Variants in SYT7 observed in about 807,000 individuals in gnomAD.
The protein encoded by SYT7 is synaptotagmin-7.
A neutral mutation model predicts 75.1 loss-of-function variants in SYT7; 29 were observed. The ratio of observed to expected loss-of-function variants is 0.39; its 90% CI spans 0.29 to 0.53. The LOEUF is 0.53. Among genes scored for constraint, SYT7 ranks in the 20% least tolerant of loss-of-function variants. The pLI is 0.77. For missense variants in SYT7, 693 were observed against 953.2 expected (o/e 0.73, Z 3.59); for synonymous variants, 376 against 401.7 (o/e 0.94, Z 0.76).
intron 1 of SYT7, among the ~76,000 whole-genome samples, chr11:61,561,431 G>C (rs1204401612): frequency 6.6e-6 from 1 of 152,202 alleles, no homozygotes; most frequent in East Asian, 1.9e-4. Context: ...TCAGGATGAA[G>C]GGTCTAACTG....
intron 6 of SYT7, chr11:61,540,587 G>A: frequency 1.0e-6 from 1 of 985,542 alleles, no homozygotes; most frequent in Non-Finnish European, 1.2e-6. Context: ...AGGGACAGAG[G>A]ATGCTGTTGC....
At chr11:61,578,299 T>C (rs1288243718) in intron 1 of SYT7, among the ~76,000 whole-genome samples, 1 of 151,534 alleles carries the variant, frequency 6.6e-6, no homozygotes, top group African/African-American at 2.4e-5. Context: ...GTAAGTGGGA[T>C]GAGGGAGGGA....
rs932514112 is a variant in SYT7, at chr11:61,540,411, T to C, written c.941+1800A>G. ...GAGCTAAGAGTGGTTTTTACATTTT[T>C]AGAGGGTTGTTTTAAAGAAAAAAAG... On this transcript the variant is annotated intron_variant, in intron 6 of 12. Coordinates refer to ENST00000539008, the MANE Select transcript of SYT7 (RefSeq NM_001365809.2). The C allele has an allele frequency of 5.4e-6, 4 of 736,884 alleles. No individual in the cohort carries two copies. In the African/African-American group the frequency reaches 7.6e-5, roughly 14 times the overall value. 45.6% of individuals were successfully genotyped at this position (736,884 alleles called of 1,614,324 possible).
chr11:61,524,714 G>A lies in SYT7; in HGVS notation c.1472-182C>T, dbSNP rs375254838. The A allele has an allele frequency of 8.1e-5, 45 of 555,676 alleles. No individual in the cohort carries two copies. In the East Asian group the frequency reaches 9.5e-4, roughly 12 times the overall value. The allele number at this position is 555,676 out of a possible 1,614,324, so 34.4% of individuals were successfully genotyped here. On this transcript the variant is annotated intron_variant, in intron 9 of 12. Transcript: ENST00000539008. This position sits in a 1 kb window ranked among gnomAD's most constrained non-coding sequence, Gnocchi z 4.1. ...TGAAGTGCTAGCAAGAACTGTCACC[G>A]TCTCATGGGATTCCCTCAACAATTC...
intron 6 of SYT7, 24 bp from the exon 7 acceptor site, chr11:61,538,290 G>C: frequency 6.7e-7 from 1 of 1,500,526 alleles, no homozygotes; most frequent in Non-Finnish European, 8.9e-7. Context: ...GCAGCCCACA[G>C]GCCAGGGTGA....
chr11:61,545,197 C>T (rs1470433810), intron 5 of SYT7, among the ~76,000 whole-genome samples: 1 of 152,182 alleles, frequency 6.6e-6, no homozygotes, highest in African/African-American at 2.4e-5. Context: ...CTGTGGAAAA[C>T]AGGGGCCAAT....
rs143054149 is a variant in SYT7 at position 61,560,545 on chromosome 11, G to A, written c.32-4338C>T. 2.1e-3 allele frequency among the ~76,000 whole-genome samples: 322 copies of A among 152,240 alleles called. 3 individuals carry two copies. Among genetic ancestry groups the A allele is most frequent in the South Asian group, 9.1e-3 (44 of 4,818 alleles). ...TTTCCCAGACCCTTCAGCCTCCCTC[G>A]GACAGCCCTCAAAGGCAGGGTGAAA... On this transcript the variant is annotated intron_variant, in intron 1 of 12. Coordinates refer to ENST00000539008, the MANE Select transcript of SYT7 (RefSeq NM_001365809.2).
intron 1 of SYT7, among the ~76,000 whole-genome samples, chr11:61,556,509 C>T (rs2063505435): frequency 6.6e-6 from 1 of 152,224 alleles, no homozygotes; most frequent in Admixed American, 6.5e-5. Flanking sequence ...ACTTGAGACC[C>T]TCAAAGGGAG....
chr11:61,537,717 G>A (rs1239085959), intron 7 of SYT7, among the ~76,000 whole-genome samples: 1 of 152,242 alleles, frequency 6.6e-6, no homozygotes, highest in African/African-American at 2.4e-5. Flanking sequence ...GGTTGAGGGG[G>A]TGGGGATGAG....
chr11:61,561,934 AGAGATGGGAGAGGCTGCAGTGAT>A (rs1176883741), intron 1 of SYT7, among the ~76,000 whole-genome samples: 2 of 152,008 alleles, frequency 1.3e-5, no homozygotes, highest in South Asian at 2.1e-4. Context: ...ATGGAAGAGA[AGAGATGGGAGAGGCTGCAGTGAT>A]GAGATGGGAG....
chr11:61,578,150 G>A (rs773561248), intron 1 of SYT7, among the ~76,000 whole-genome samples: 1 of 152,206 alleles, frequency 6.6e-6, no homozygotes, highest in Non-Finnish European at 1.5e-5. Context: ...ACTGGACTCC[G>A]ATTATTTCCC....
At chr11:61,567,163 G>A (rs147361420) in intron 1 of SYT7, among the ~76,000 whole-genome samples, 1 of 152,302 alleles carries the variant, frequency 6.6e-6, no homozygotes, top group East Asian at 1.9e-4. Flanking sequence ...GACCACTGCG[G>A]ATCTGAATCC....
At chr11:61,565,931 C>A (rs2063755121) in intron 1 of SYT7, among the ~76,000 whole-genome samples, 1 of 152,274 alleles carries the variant, frequency 6.6e-6, no homozygotes, top group South Asian at 2.1e-4. Flanking sequence ...CGGCTAGATG[C>A]AGACGGTTTA....
At chr11:61,519,171 G>A (rs1376456222) in intron 12 of SYT7, among the ~76,000 whole-genome samples, 2 of 152,240 alleles carry the variant, frequency 1.3e-5, no homozygotes, top group Non-Finnish European at 2.9e-5. Context: ...CAACTGTGAG[G>A]TAGGATTATA....
chr11:61,536,618 C>CA (rs1348557420), intron 7 of SYT7, among the ~76,000 whole-genome samples: 4 of 152,204 alleles, frequency 2.6e-5, no homozygotes, highest in East Asian at 3.9e-4. Context: ...CACATGGGCT[C>CA]AGCGCCTGAC....
intron 1 of SYT7, among the ~76,000 whole-genome samples, chr11:61,569,052 G>C (rs1268607322): frequency 6.6e-6 from 1 of 152,118 alleles, no homozygotes; most frequent in Non-Finnish European, 1.5e-5. Flanking sequence ...GAGTCCTAGG[G>C]GCTTTCATCT....
At chr11:61,554,083 G>C (rs924296189) in intron 2 of SYT7, among the ~76,000 whole-genome samples, 4 of 152,126 alleles carry the variant, frequency 2.6e-5, no homozygotes, top group African/African-American at 4.8e-5. Context: ...GCTGGGGATT[G>C]TGGGGAGGGG....
Position 61,542,555 on chromosome 11 carries a change from C to T in SYT7, c.597G>A (p.Thr199=), listed in dbSNP as rs1590879877. ...LSNFEDSTLS[T]ATTLESIPSS... Reference sequence around the variant, plus strand: ...TGGGGATAGACTCAAGGGTAGTGGCCGTGGACAGGGTGGAGTCCTCGAAAC... The same window carrying T: ...TGGGGATAGACTCAAGGGTAGTGGCTGTGGACAGGGTGGAGTCCTCGAAAC... The change falls in exon 6 of 13, where the codon ACG becomes ACA. Residue 199 remains threonine, a synonymous_variant. Coordinates refer to ENST00000539008, the MANE Select transcript of SYT7 (RefSeq NM_001365809.2). The surrounding 1 kb of genome is among the most constrained non-coding windows in gnomAD (Gnocchi z 7.8). 3 of 1,517,524 alleles carry T rather than the reference C, an allele frequency of 2.0e-6. No homozygotes were observed. The highest frequency in any genetic ancestry group is 1.8e-6 in the Non-Finnish European group (2 of 1,136,134). 94.0% of individuals were successfully genotyped at this position (1,517,524 alleles called of 1,614,324 possible).
intron 1 of SYT7, among the ~76,000 whole-genome samples, chr11:61,569,021 G>A (rs1272698114): frequency 6.6e-6 from 1 of 152,216 alleles, no homozygotes; most frequent in African/African-American, 2.4e-5. Context: ...AGGCTGGGGT[G>A]CTGGGGACAA....
Sources: allele counts gnomAD v4.1 joint callset (sites outside exome capture counted in the v4.1 genomes callset), GRCh38; gene constraint gnomAD v4.1.1; non-coding constraint Gnocchi (gnomAD v3.1); transcripts MANE v1.5; gene names NCBI Gene and HGNC (gene_info 2026-07-23, HGNC 2026-07-21).